Variants in CYP2J2 observed in about 807,000 individuals in gnomAD.
CYP2J2 encodes cytochrome P450 family 2 subfamily J member 2.
A neutral mutation model predicts 48.8 loss-of-function variants in CYP2J2; 41 were observed. The observed-to-expected ratio is 0.84, with a 90% CI of 0.66 to 1.09. CYP2J2 has a LOEUF of 1.09. Among genes scored for constraint, CYP2J2 ranks in the 50% least tolerant of loss-of-function variants. The pLI is 0.00. For missense variants in CYP2J2, 644 were observed against 617.3 expected (o/e 1.04, Z -0.46); for synonymous variants, 221 against 227.1 (o/e 0.97, Z 0.24).
At chr1:59,930,322 T>A (rs898895288), upstream of CYP2J2, among the ~76,000 whole-genome samples, 44 of 152,168 alleles carry the variant, frequency 2.9e-4, no homozygotes, top group African/African-American at 1.1e-3. Context: ...TTGTAGGAAC[T>A]ACCATGCTGT....
At chr1:59,909,508 C>T (rs947339598) in intron 5 of CYP2J2, among the ~76,000 whole-genome samples, 3 of 152,144 alleles carry the variant, frequency 2.0e-5, no homozygotes, top group African/African-American at 7.2e-5. Context: ...AAGGAGGGGA[C>T]CACAGGCCAA....
the CYP2J2 span, among the ~76,000 whole-genome samples, chr1:59,932,138 C>G: frequency 2.0e-5 from 3 of 151,940 alleles, no homozygotes; most frequent in Non-Finnish European, 4.4e-5. Flanking sequence ...GCAAATTTAA[C>G]CTAAGTGTGT....
the CYP2J2 span, among the ~76,000 whole-genome samples, chr1:59,941,224 C>A: frequency 2.6e-4 from 39 of 152,092 alleles, no homozygotes; most frequent in Non-Finnish European, 4.7e-4. Flanking sequence ...TCACACACTG[C>A]AAAATGATGT....
At chr1:59,933,725 A>C in the CYP2J2 span, among the ~76,000 whole-genome samples, 1 of 152,198 alleles carries the variant, frequency 6.6e-6, no homozygotes, top group African/African-American at 2.4e-5. Flanking sequence ...TCGCTAAAAA[A>C]AATTAAAAGA....
At chr1:59,955,204 G>C in the CYP2J2 span, among the ~76,000 whole-genome samples, 1 of 147,574 alleles carries the variant, frequency 6.8e-6, no homozygotes, top group Non-Finnish European at 1.5e-5. Context: ...GCATATGCAC[G>C]TGTGTATGTA....
At chr1:59,895,542 T>C (rs1384295323) in intron 8 of CYP2J2, among the ~76,000 whole-genome samples, 1 of 152,266 alleles carries the variant, frequency 6.6e-6, no homozygotes, top group Non-Finnish European at 1.5e-5. Flanking sequence ...TCTCTGTAAC[T>C]AATAAGTACT....
intron 3 of CYP2J2, 123 bp from the exon 4 acceptor site, chr1:59,911,891 C>T (rs1254379883): frequency 9.9e-7 from 1 of 1,008,426 alleles, no homozygotes; most frequent in East Asian, 2.4e-5. Flanking sequence ...GAGCTGGCCA[C>T]ATGACCTTAC....
upstream of CYP2J2, among the ~76,000 whole-genome samples, chr1:59,928,079 T>G (rs1476412870): frequency 6.6e-6 from 1 of 152,258 alleles, no homozygotes; most frequent in African/African-American, 2.4e-5. Context: ...CTGATATATG[T>G]GGCTCTAATT....
chr1:59,906,338 C>T (rs1644364453), intron 6 of CYP2J2, among the ~76,000 whole-genome samples: 2 of 152,112 alleles, frequency 1.3e-5, no homozygotes, highest in South Asian at 2.1e-4. Flanking sequence ...TGGTGGAAAG[C>T]CTATTGGTGA....
the CYP2J2 span, among the ~76,000 whole-genome samples, chr1:59,952,019 C>A: frequency 2.6e-4 from 40 of 152,160 alleles, no homozygotes; most frequent in African/African-American, 8.9e-4. Flanking sequence ...GTTGACTACC[C>A]AATACAAAGT....
the CYP2J2 span, among the ~76,000 whole-genome samples, chr1:59,955,181 AT>A: frequency 6.9e-6 from 1 of 145,238 alleles, no homozygotes; most frequent in Non-Finnish European, 1.5e-5. Flanking sequence ...AATTAAAAAA[AT>A]AAAAAATATG....
chr1:59,958,183 C>G, the CYP2J2 span, among the ~76,000 whole-genome samples: 2 of 152,188 alleles, frequency 1.3e-5, no homozygotes, highest in Admixed American at 6.5e-5. Flanking sequence ...ACTCTGAACA[C>G]TGTCCCCAGA....
the CYP2J2 span, among the ~76,000 whole-genome samples, chr1:59,954,854 T>C: frequency 6.6e-6 from 1 of 152,040 alleles, no homozygotes. Flanking sequence ...ATTTAAAATG[T>C]AGCCAGGCAT....
chr1:59,901,813 T>C (rs964838050), intron 7 of CYP2J2, among the ~76,000 whole-genome samples: 2 of 152,198 alleles, frequency 1.3e-5, no homozygotes, highest in Admixed American at 6.5e-5. Context: ...TATAGTTTCC[T>C]AACTGTGCCC....
the CYP2J2 span, among the ~76,000 whole-genome samples, chr1:59,956,607 T>C: frequency 1.3e-5 from 2 of 152,202 alleles, no homozygotes; most frequent in Admixed American, 6.5e-5. Flanking sequence ...GTTTTCTAAA[T>C]GCTAATTAAT....
At chr1:59,902,014 C>A (rs372420136) in intron 7 of CYP2J2, among the ~76,000 whole-genome samples, 3 of 152,188 alleles carry the variant, frequency 2.0e-5, no homozygotes, top group African/African-American at 4.8e-5. Flanking sequence ...CTACTCTCCC[C>A]CTCTGCCTGC....
the CYP2J2 span, among the ~76,000 whole-genome samples, chr1:59,954,415 A>C: frequency 2.6e-5 from 4 of 152,192 alleles, no homozygotes; most frequent in Admixed American, 6.5e-5. Context: ...TATAACATTG[A>C]ACATGAGTGG....
chr1:59,953,467 C>T, the CYP2J2 span, among the ~76,000 whole-genome samples: 1 of 151,232 alleles, frequency 6.6e-6, no homozygotes, highest in African/African-American at 2.4e-5. Flanking sequence ...GGTATGAAGG[C>T]AGTAGCATAA....
the CYP2J2 span, among the ~76,000 whole-genome samples, chr1:59,967,876 G>T: frequency 5.7e-4 from 87 of 152,278 alleles, no homozygotes; most frequent in African/African-American, 2.0e-3. Context: ...TTAAGATCAA[G>T]ATCAAAGACT....
Sources: gnomAD v4.1 joint callset for allele counts (sites outside exome capture counted in the v4.1 genomes callset) on GRCh38, gnomAD v4.1.1 for gene constraint, MANE v1.5 for transcripts, NCBI Gene and HGNC (gene_info 2026-07-23, HGNC 2026-07-21) for gene names.